Variants in SUPT3H observed in about 807,000 individuals in gnomAD.
The protein encoded by SUPT3H is SPT3 homolog, SAGA and STAGA complex component, also known as transcription initiation protein SPT3 homolog.
In SUPT3H, 44 loss-of-function variants were observed where a neutral mutation model predicts 44.3. The ratio of observed to expected loss-of-function variants is 0.99; its 90% CI spans 0.78 to 1.28. SUPT3H has a LOEUF of 1.28. SUPT3H is among the 50% of genes most tolerant of loss of function. SUPT3H has a pLI of 0.00. For synonymous variants in SUPT3H, 124 were observed against 125.6 expected (o/e 0.99, Z 0.09); for missense variants, 380 against 387.1 (o/e 0.98, Z 0.15).
At chr6:44,886,619 A>ATG in intron 10 of SUPT3H, among the ~76,000 whole-genome samples, 1 of 152,280 alleles carries the variant, frequency 6.6e-6, no homozygotes, top group South Asian at 2.1e-4. Context: ...TGAAGGAAGC[A>ATG]CTAAACATGG....
intron 3 of SUPT3H, among the ~76,000 whole-genome samples, chr6:45,022,603 T>C (rs1785321205): frequency 6.6e-6 from 1 of 152,028 alleles, no homozygotes; most frequent in Admixed American, 6.6e-5. Flanking sequence ...CACTCCCTTG[T>C]CTGCCTTGGA....
intron 10 of SUPT3H, among the ~76,000 whole-genome samples, chr6:44,898,030 T>C (rs1165520082): frequency 6.6e-6 from 1 of 152,242 alleles, no homozygotes; most frequent in African/African-American, 2.4e-5. Flanking sequence ...CACAAATTAT[T>C]ATTACATAAC....
chr6:45,308,829 A>G (rs1783519858), intron 2 of SUPT3H, among the ~76,000 whole-genome samples: 1 of 152,100 alleles, frequency 6.6e-6, no homozygotes, highest in South Asian at 2.1e-4. Flanking sequence ...TTGGTTTGTT[A>G]TGCAAATTTT....
chr6:45,016,950 A>G (rs1472090455), intron 4 of SUPT3H, among the ~76,000 whole-genome samples: 1 of 148,992 alleles, frequency 6.7e-6, no homozygotes, highest in African/African-American at 2.5e-5. Context: ...ACTAGTTTAC[A>G]GTCCCACCAA....
chr6:45,347,922 T>A (rs1057380444), intron 2 of SUPT3H, among the ~76,000 whole-genome samples: 3 of 152,056 alleles, frequency 2.0e-5, no homozygotes, highest in Non-Finnish European at 2.9e-5. Context: ...AATGAAAAAA[T>A]TATTTCCCTC....
chr6:45,314,961 T>C (rs1784475501), intron 2 of SUPT3H, among the ~76,000 whole-genome samples: 2 of 152,064 alleles, frequency 1.3e-5, no homozygotes, highest in Admixed American at 6.6e-5. Flanking sequence ...TGGAACAGAA[T>C]AGAGAACTCA....
chr6:45,131,629 T>C (rs1803480095), intron 2 of SUPT3H, among the ~76,000 whole-genome samples: 1 of 152,122 alleles, frequency 6.6e-6, no homozygotes, highest in African/African-American at 2.4e-5. Flanking sequence ...TTGCATCACA[T>C]ATAAAAAGAT....
chr6:44,860,321 C>A (rs1421983392), intron 10 of SUPT3H, among the ~76,000 whole-genome samples: 1 of 152,176 alleles, frequency 6.6e-6, no homozygotes, highest in Non-Finnish European at 1.5e-5. Context: ...ACCCAGCTAT[C>A]CTTAGTCATT....
chr6:45,212,479 CTATGTGTGTGTGTGTGTG>C (rs1383021383), intron 2 of SUPT3H, among the ~76,000 whole-genome samples: 4 of 139,850 alleles, frequency 2.9e-5, no homozygotes, highest in African/African-American at 7.7e-5. Flanking sequence ...TCCACCTCCA[CTATGTGTGTGTGTGTGTG>C]TGTGTGTGTG....
chr6:45,270,034 C>A (rs1775872573), intron 2 of SUPT3H, among the ~76,000 whole-genome samples: 1 of 152,072 alleles, frequency 6.6e-6, no homozygotes, highest in Non-Finnish European at 1.5e-5. Flanking sequence ...TGAAATCATG[C>A]AATACGTGGT....
At chr6:45,208,621 C>T (rs549741010) in intron 2 of SUPT3H, among the ~76,000 whole-genome samples, 23 of 151,364 alleles carry the variant, frequency 1.5e-4, no homozygotes, top group African/African-American at 4.4e-4. Flanking sequence ...CTGTTCAGGA[C>T]GCTGAGACAG....
Position 45,157,432 on chromosome 6 carries a change from G to A in SUPT3H, c.102-51426C>T, listed in dbSNP as rs996847834. On this transcript the variant is annotated intron_variant, in intron 2 of 10. Coordinates refer to ENST00000371459, the MANE Select transcript of SUPT3H (RefSeq NM_003599.4). ...AGACTCACCTACAGATTTGAAAGACGTACCAATGCCAAGAACTCCAACCCC... is the reference window on the plus strand; with the variant it reads ...AGACTCACCTACAGATTTGAAAGACATACCAATGCCAAGAACTCCAACCCC... Among the ~76,000 whole-genome samples the A allele has an allele frequency of 4.0e-5, 6 of 151,678 alleles. 1 individual carries two copies. The highest frequency in any genetic ancestry group is 6.3e-3 in the Middle Eastern group (2 of 316).
chr6:44,907,124 A>T (rs1217376108), intron 10 of SUPT3H, among the ~76,000 whole-genome samples: 2 of 152,258 alleles, frequency 1.3e-5, no homozygotes, highest in Non-Finnish European at 2.9e-5. Flanking sequence ...ATATGAAGCC[A>T]TAACAAAAAC....
intron 2 of SUPT3H, among the ~76,000 whole-genome samples, chr6:45,285,450 C>G (rs931859078): frequency 1.3e-5 from 2 of 152,070 alleles, no homozygotes; most frequent in Non-Finnish European, 2.9e-5. Flanking sequence ...ACACCAATAA[C>G]AGACAAACAG....
chr6:44,992,207 TAAA>T (rs1456948830), intron 6 of SUPT3H, among the ~76,000 whole-genome samples: 1 of 152,200 alleles, frequency 6.6e-6, no homozygotes, highest in African/African-American at 2.4e-5. Context: ...AAGTATTTTT[TAAA>T]AGAGAAGGAT....
intron 2 of SUPT3H, among the ~76,000 whole-genome samples, chr6:45,234,530 C>A (rs1265787858): frequency 1.7e-3 from 221 of 126,828 alleles, no homozygotes; most frequent in South Asian, 2.2e-3. Flanking sequence ...GACGCTGTCA[C>A]AAAAAAAAAA....
At chr6:45,035,227 G>A (rs1409459574) in intron 3 of SUPT3H, among the ~76,000 whole-genome samples, 2 of 152,048 alleles carry the variant, frequency 1.3e-5, no homozygotes, top group East Asian at 3.9e-4. Context: ...TTCAGTTGAT[G>A]GATTAGACCT....
intron 2 of SUPT3H, among the ~76,000 whole-genome samples, chr6:45,196,268 CACT>C (rs1389895836): frequency 2.0e-5 from 3 of 151,962 alleles, no homozygotes; most frequent in Non-Finnish European, 2.9e-5. Context: ...ACCATAGCAC[CACT>C]GTTTGGTTGT....
chr6:45,270,954 CAA>C (rs1176116966), intron 2 of SUPT3H, among the ~76,000 whole-genome samples: 1 of 152,130 alleles, frequency 6.6e-6, no homozygotes, highest in Non-Finnish European at 1.5e-5. Flanking sequence ...TATGTTTCAG[CAA>C]AGAGATTAGT....
Sources: gnomAD v4.1 joint callset for allele counts (sites outside exome capture counted in the v4.1 genomes callset) on GRCh38, gnomAD v4.1.1 for gene constraint, MANE v1.5 for transcripts, NCBI Gene and HGNC (gene_info 2026-07-23, HGNC 2026-07-21) for gene names.